The following KLRG1 variants were observed in gnomAD, a reference collection of about 807,000 sequenced individuals.
KLRG1 encodes killer cell lectin like receptor G1, also known as killer cell lectin-like receptor subfamily G member 1.
KLRG1 carries 16 observed loss-of-function variants against 21.8 expected under a neutral mutation model. The observed-to-expected ratio is 0.73, with a 90% CI of 0.50 to 1.11. The LOEUF is 1.11. Among genes scored for constraint, KLRG1 ranks in the 50% most tolerant of loss-of-function variants. The pLI is 0.00. For synonymous variants in KLRG1, 69 were observed against 75.9 expected (o/e 0.91, Z 0.47); for missense variants, 173 against 218.3 (o/e 0.79, Z 1.31).
the KLRG1 span, among the ~76,000 whole-genome samples, chr12:9,140,994 A>G: frequency 6.6e-6 from 1 of 152,218 alleles, no homozygotes; most frequent in Non-Finnish European, 1.5e-5. Context: ...GCCATAACTT[A>G]AATATACTCA....
chr12:9,028,726 G>A, the KLRG1 span: 2 of 513,294 alleles, frequency 3.9e-6, no homozygotes, highest in Middle Eastern at 5.8e-4. Flanking sequence ...ACAGGCCTGA[G>A]CCACCGCACC....
chr12:9,205,526 T>G, the KLRG1 span, among the ~76,000 whole-genome samples: 3 of 152,134 alleles, frequency 2.0e-5, no homozygotes, highest in African/African-American at 7.2e-5. Context: ...TCCCCAAAAC[T>G]TGAATCCATA....
At position 8,992,351 on chromosome 12, in the gene KLRG1, A is replaced by G. The variant is rs373636448; in HGVS notation, c.187+41A>G. On this transcript the variant is annotated intron_variant, in intron 2 of 4. Coordinates refer to ENST00000356986, the MANE Select transcript of KLRG1 (RefSeq NM_005810.4). ...AACCAAAATTAATCTTTCATTTTATATTATAAAAGCAATATAACATAGCAG... is the reference window on the plus strand; with the variant it reads ...AACCAAAATTAATCTTTCATTTTATGTTATAAAAGCAATATAACATAGCAG... 4.2e-5 allele frequency: 58 copies of G among 1,392,476 alleles called. No individual in the cohort carries two copies. The African/African-American group carries it at 5.1e-4, about 12-fold the overall frequency. The allele number at this position is 1,392,476 out of a possible 1,614,324, so 86.3% of individuals were successfully genotyped here. A position where few individuals can be genotyped will look rare whatever the true frequency, so the allele number is the denominator to read the frequency against.
At chr12:9,021,868 T>G in the KLRG1 span, among the ~76,000 whole-genome samples, 2 of 152,208 alleles carry the variant, frequency 1.3e-5, no homozygotes, top group African/African-American at 4.8e-5. Context: ...TGCCTTCTTC[T>G]GCAACACCTC....
the KLRG1 span, chr12:9,201,350 A>C: frequency 1.3e-6 from 2 of 1,557,320 alleles, no homozygotes; most frequent in Non-Finnish European, 8.8e-7. Context: ...AGTGGAATCT[A>C]TATGATAAAA....
chr12:9,188,176 G>A, the KLRG1 span, among the ~76,000 whole-genome samples: 6 of 152,188 alleles, frequency 3.9e-5, no homozygotes, highest in Non-Finnish European at 7.3e-5. Flanking sequence ...CTTAGCTACC[G>A]CGATCAAGTA....
At chr12:8,973,163 G>GAAAAAA (rs59760555) in intron 1 of KLRG1, among the ~76,000 whole-genome samples, 3 of 97,026 alleles carry the variant, frequency 3.1e-5, no homozygotes, top group Non-Finnish European at 4.0e-5. Flanking sequence ...CATCTCAAAA[G>GAAAAAA]AAAAAAAAAA....
At chr12:8,967,133 T>A (rs10842631) in intron 1 of KLRG1, among the ~76,000 whole-genome samples, 114,329 of 141,988 alleles carry the variant, frequency 0.81, 46,273 homozygotes, top group Admixed American at 0.85. Flanking sequence ...GGACTTGAAC[T>A]ATGAGAACAC....
chr12:9,142,443 C>T, the KLRG1 span, among the ~76,000 whole-genome samples: 1 of 152,138 alleles, frequency 6.6e-6, no homozygotes, highest in African/African-American at 2.4e-5. Context: ...TAAATGCAAA[C>T]AAAAATGTAT....
the KLRG1 span, among the ~76,000 whole-genome samples, chr12:9,165,649 C>T: frequency 1.1e-4 from 17 of 152,228 alleles, no homozygotes; most frequent in African/African-American, 3.1e-4. Flanking sequence ...CCTTAACTTC[C>T]CTTGCTATTG....
the KLRG1 span, chr12:9,113,414 G>C: frequency 1.2e-6 from 2 of 1,613,722 alleles, no homozygotes; most frequent in South Asian, 1.1e-5. Flanking sequence ...CAGTGAAGAG[G>C]CTCCTGTTTC....
At chr12:9,091,647 C>T in the KLRG1 span, among the ~76,000 whole-genome samples, 1 of 152,170 alleles carries the variant, frequency 6.6e-6, no homozygotes, top group Non-Finnish European at 1.5e-5. Context: ...TAATCTTTTA[C>T]AGACAATATA....
intron 3 of KLRG1, among the ~76,000 whole-genome samples, chr12:8,996,762 T>C (rs749373975): frequency 1.3e-5 from 2 of 152,344 alleles, no homozygotes; most frequent in Admixed American, 1.3e-4. Flanking sequence ...CTTAGTTTTA[T>C]GGCCTCCAGC....
chr12:9,013,844 C>G (rs1008106259), downstream of KLRG1, among the ~76,000 whole-genome samples: 1 of 152,030 alleles, frequency 6.6e-6, no homozygotes. Context: ...ATAGCCAAAC[C>G]ACATCAATAA....
At chr12:9,117,387 A>G in the KLRG1 span, among the ~76,000 whole-genome samples, 1 of 152,172 alleles carries the variant, frequency 6.6e-6, no homozygotes, top group African/African-American at 2.4e-5. Context: ...GTGAAAGCTG[A>G]TGGCATTTTG....
At chr12:9,150,712 A>C in the KLRG1 span, 1 of 1,613,112 alleles carries the variant, frequency 6.2e-7, no homozygotes, top group Non-Finnish European at 8.5e-7. Flanking sequence ...GTCTTGCAGA[A>C]CCATGAAGGA....
At chr12:9,022,488 T>A in the KLRG1 span, among the ~76,000 whole-genome samples, 1 of 152,180 alleles carries the variant, frequency 6.6e-6, no homozygotes, top group Non-Finnish European at 1.5e-5. Context: ...TCCTGACATA[T>A]AGCTTCTAAA....
the KLRG1 span, chr12:9,200,788 T>C: frequency 2.5e-6 from 3 of 1,211,640 alleles, no homozygotes; most frequent in African/African-American, 1.5e-5. Flanking sequence ...TAAGTCTGAC[T>C]CTACTGCAAG....
chr12:8,982,489 G>A (rs1466767954), intron 1 of KLRG1, among the ~76,000 whole-genome samples: 1 of 152,120 alleles, frequency 6.6e-6, no homozygotes, highest in Non-Finnish European at 1.5e-5. Flanking sequence ...TTTGTGTTAG[G>A]TTATGTGTTA....
Sources: allele counts gnomAD v4.1 joint callset (sites outside exome capture counted in the v4.1 genomes callset), GRCh38; gene constraint gnomAD v4.1.1; transcripts MANE v1.5; gene names NCBI Gene and HGNC (gene_info 2026-07-23, HGNC 2026-07-21).